COL5A2: variants seen among roughly 807,000 people sequenced by gnomAD.
The protein encoded by COL5A2 is collagen type V alpha 2 chain.
COL5A2 carries 23 observed loss-of-function variants against 208.2 expected under a neutral mutation model. The observed-to-expected ratio is 0.11, with a 90% CI of 0.08 to 0.16. The LOEUF is 0.16. COL5A2 is among the 10% of genes least tolerant of loss of function. COL5A2 has a pLI of 1.00. For synonymous variants in COL5A2, 625 were observed against 628.5 expected, an observed-to-expected ratio of 0.99 and a Z score of 0.08; for missense variants, 1,590 against 1,956.4, an observed-to-expected ratio of 0.81 and a Z score of 3.53.
chr2:189,314,692 C>T, the COL5A2 span, among the ~76,000 whole-genome samples: 3 of 151,838 alleles, frequency 2.0e-5, no homozygotes, highest in Non-Finnish European at 4.4e-5. Flanking sequence ...ACTAGCTAGA[C>T]TAATAAAGAA....
chr2:189,090,950 A>G (rs1025471704), intron 7 of COL5A2, among the ~76,000 whole-genome samples: 8 of 152,212 alleles, frequency 5.3e-5, no homozygotes, highest in Non-Finnish European at 1.2e-4. Flanking sequence ...TACAAAAACC[A>G]TTTTGCAGCC....
chr2:189,053,093 T>C (rs937009897), intron 38 of COL5A2, 75 bp from the exon 39 acceptor site: 3 of 1,134,402 alleles, frequency 2.6e-6, no homozygotes, highest in African/African-American at 3.1e-5. Flanking sequence ...TTATTACTAA[T>C]GTATCAATTA....
chr2:189,170,398 G>C (rs1688550889), intron 1 of COL5A2, among the ~76,000 whole-genome samples: 1 of 152,120 alleles, frequency 6.6e-6, no homozygotes, highest in South Asian at 2.1e-4. Flanking sequence ...TTCTTGGTTA[G>C]CACAAACACA....
chr2:189,144,223 AAGAC>A (rs910179280), intron 1 of COL5A2, among the ~76,000 whole-genome samples: 77 of 152,250 alleles, frequency 5.1e-4, no homozygotes, highest in African/African-American at 1.7e-3. Context: ...AAAAACTCAA[AAGAC>A]AGACAGATGA....
At chr2:189,050,526 A>G (rs1219577230) in intron 43 of COL5A2, 43 bp downstream of exon 43, 4 of 1,395,902 alleles carry the variant, frequency 2.9e-6, no homozygotes, top group Non-Finnish European at 4.0e-6. Flanking sequence ...AACAATTTGT[A>G]TTGCACATAT....
intron 1 of COL5A2, among the ~76,000 whole-genome samples, chr2:189,146,070 A>G (rs1421724071): frequency 6.6e-6 from 1 of 152,166 alleles, no homozygotes; most frequent in Non-Finnish European, 1.5e-5. Flanking sequence ...GAATGATGAT[A>G]TCTTCATACA....
At chr2:189,137,710 T>A (rs1299435812) in intron 1 of COL5A2, among the ~76,000 whole-genome samples, 1 of 151,880 alleles carries the variant, frequency 6.6e-6, no homozygotes, top group Non-Finnish European at 1.5e-5. Flanking sequence ...GGGCGGGGGA[T>A]GGGTAGATGG....
At chr2:189,085,273 C>T (rs1222689625) in intron 10 of COL5A2, 60 bp from the exon 11 acceptor site, 4 of 1,272,510 alleles carry the variant, frequency 3.1e-6, no homozygotes, top group Admixed American at 1.9e-5. Flanking sequence ...GCCAGTAATA[C>T]AATTCAAAAC....
At chr2:189,082,682 C>A (rs1028517987) in intron 12 of COL5A2, among the ~76,000 whole-genome samples, 2 of 152,168 alleles carry the variant, frequency 1.3e-5, no homozygotes, top group African/African-American at 2.4e-5. Flanking sequence ...ATTCTGCTGA[C>A]CCAGGACTGT....
chr2:189,077,175 T>A (rs1478865956), intron 16 of COL5A2, among the ~76,000 whole-genome samples: 1 of 152,168 alleles, frequency 6.6e-6, no homozygotes, highest in Non-Finnish European at 1.5e-5. Context: ...TCTCTCTTGT[T>A]GAAGATGATA....
Position 189,063,026 on chromosome 2 carries a change from C to G in COL5A2, c.1907G>C (p.Gly636Ala). The G allele has an allele frequency of 2.5e-6, 4 of 1,614,142 alleles. No homozygotes were observed. Among genetic ancestry groups the G allele is most frequent in the Non-Finnish European group, 3.4e-6 (4 of 1,180,002 alleles). ...TATATTTACCCTCTGCCCAGGAACT[C>G]CAGCATTTCCTGCTTCTCCAGGTTT... ...PGKPGEAGNA[G>A]VPGQRGAPGK... The change falls in exon 28 of 54, where the codon GGA (glycine) becomes GCA (alanine). Residue 636 changes from glycine (G) to alanine (A), a missense_variant. Physicochemically the swap from Gly to Ala is moderately conservative, Grantham distance 60. Coordinates refer to ENST00000374866, the MANE Select transcript of COL5A2 (RefSeq NM_000393.5).
At chr2:189,127,974 T>A (rs1687641046) in intron 1 of COL5A2, among the ~76,000 whole-genome samples, 1 of 152,102 alleles carries the variant, frequency 6.6e-6, no homozygotes, top group Non-Finnish European at 1.5e-5. Flanking sequence ...AAAACAGAAG[T>A]GCACTCAGAT....
At chr2:189,358,268 C>T in the COL5A2 span, among the ~76,000 whole-genome samples, 2 of 152,216 alleles carry the variant, frequency 1.3e-5, no homozygotes, top group South Asian at 4.1e-4. Context: ...TATTAGTGCT[C>T]ATTTACAATG....
At chr2:189,416,719 A>C in the COL5A2 span, among the ~76,000 whole-genome samples, 1 of 152,164 alleles carries the variant, frequency 6.6e-6, no homozygotes, top group African/African-American at 2.4e-5. Flanking sequence ...AACAATAATA[A>C]AATTTTTTAA....
intron 1 of COL5A2, among the ~76,000 whole-genome samples, chr2:189,157,107 T>C (rs1034745152): frequency 5.7e-5 from 4 of 69,978 alleles, no homozygotes; most frequent in Non-Finnish European, 1.6e-4. Context: ...AGCTGTGAGA[T>C]AGATATATCG....
the COL5A2 span, among the ~76,000 whole-genome samples, chr2:189,387,959 A>AT: frequency 6.6e-5 from 10 of 152,136 alleles, no homozygotes; most frequent in Middle Eastern, 3.4e-3. Flanking sequence ...TAATTTTTGT[A>AT]TTTTTTGTAG....
At chr2:189,348,647 G>A in the COL5A2 span, among the ~76,000 whole-genome samples, 1 of 152,136 alleles carries the variant, frequency 6.6e-6, no homozygotes. Context: ...GAGGCTATAT[G>A]AGGGATGAAA....
At chr2:189,233,264 A>G in the COL5A2 span, among the ~76,000 whole-genome samples, 1 of 151,788 alleles carries the variant, frequency 6.6e-6, no homozygotes, top group Non-Finnish European at 1.5e-5. Flanking sequence ...GCTGAGATCC[A>G]GGAAAGATAA....
chr2:189,146,547 G>C (rs767193122), intron 1 of COL5A2, among the ~76,000 whole-genome samples: 8 of 151,934 alleles, frequency 5.3e-5, no homozygotes, highest in Non-Finnish European at 1.0e-4. Flanking sequence ...TGTCTACACA[G>C]TATTCAAAAT....
Sources: allele counts gnomAD v4.1 joint callset (sites outside exome capture counted in the v4.1 genomes callset), GRCh38; gene constraint gnomAD v4.1.1; transcripts MANE v1.5; gene names NCBI Gene and HGNC (gene_info 2026-07-23, HGNC 2026-07-21).